Variants in SI observed in about 807,000 individuals in gnomAD.
The protein encoded by SI is sucrase-isomaltase, also known as sucrase-isomaltase, intestinal.
In SI, 235 loss-of-function variants were observed where a neutral mutation model predicts 253.3. The ratio of observed to expected loss-of-function variants is 0.93; its 90% CI spans 0.83 to 1.03. The LOEUF is 1.03. Ranked by LOEUF, SI falls within the 50% of genes least tolerant of loss-of-function variation. The pLI is 0.00. For missense variants in SI, 2,442 were observed against 2,211.1 expected, an observed-to-expected ratio of 1.10 and a Z score of -2.09; for synonymous variants, 819 against 712.0, an observed-to-expected ratio of 1.15 and a Z score of -2.39.
chr3:165,004,360 A>G (rs1404982057), intron 37 of SI, among the ~76,000 whole-genome samples: 1 of 152,162 alleles, frequency 6.6e-6, no homozygotes, highest in East Asian at 1.9e-4. Context: ...AAGAATGTAA[A>G]TTCATACAAC....
intron 33 of SI, 28 bp from the exon 34 acceptor site, chr3:165,013,070 G>C: frequency 7.0e-7 from 1 of 1,433,824 alleles, no homozygotes. Context: ...TGGAAAAGCT[G>C]ATCAAAACAT....
chr3:165,041,527 A>C (rs1257687720), intron 17 of SI, among the ~76,000 whole-genome samples: 1 of 152,010 alleles, frequency 6.6e-6, no homozygotes, highest in Non-Finnish European at 1.5e-5. Flanking sequence ...ATTATATGTG[A>C]CACACTAAAG....
intron 37 of SI, among the ~76,000 whole-genome samples, chr3:165,001,622 A>G (rs1031661375): frequency 6.6e-6 from 1 of 151,412 alleles, no homozygotes; most frequent in Non-Finnish European, 1.5e-5. Context: ...TGATATACCA[A>G]TTGTATCAAT....
chr3:165,070,882 G>A (rs1714529233), intron 3 of SI, among the ~76,000 whole-genome samples: 1 of 152,028 alleles, frequency 6.6e-6, no homozygotes, highest in African/African-American at 2.4e-5. Context: ...GCAGAGCCAT[G>A]CTGCCTCCAA....
At chr3:165,070,215 AT>A (rs1444497253) in intron 3 of SI, among the ~76,000 whole-genome samples, 4 of 144,778 alleles carry the variant, frequency 2.8e-5, no homozygotes, top group Non-Finnish European at 4.5e-5. Flanking sequence ...TATATAAAAT[AT>A]GTTTATATAG....
intron 25 of SI, among the ~76,000 whole-genome samples, chr3:165,027,645 G>A (rs1576894639): frequency 6.6e-6 from 1 of 151,512 alleles, no homozygotes; most frequent in East Asian, 1.9e-4. Flanking sequence ...GGGATACGGG[G>A]ATGGTTTCAC....
intron 26 of SI, 43 bp from the exon 27 acceptor site, chr3:165,021,426 C>T (rs932663884): frequency 1.4e-6 from 2 of 1,458,606 alleles, no homozygotes; most frequent in African/African-American, 1.4e-5. Flanking sequence ...TGATTGCTGA[C>T]ATAGCATGTA....
At chr3:165,015,081 T>C (rs1179236765) in intron 33 of SI, 42 bp downstream of exon 33, 1 of 1,419,412 alleles carries the variant, frequency 7.0e-7, no homozygotes, top group South Asian at 1.2e-5. Context: ...CATTGAAATA[T>C]AATTTTTGTA....
intron 14 of SI, 136 bp downstream of exon 14, chr3:165,049,655 A>G (rs967174549): frequency 1.8e-5 from 11 of 627,494 alleles, no homozygotes. Context: ...TGTCTGAAGA[A>G]AAGATAAACA....
intron 41 of SI, among the ~76,000 whole-genome samples, chr3:164,993,839 A>T (rs1042521150): frequency 2.0e-5 from 3 of 151,676 alleles, no homozygotes; most frequent in African/African-American, 7.2e-5. Context: ...TACATCAAGG[A>T]AAAGGTGGAA....
At chr3:165,065,781 C>T (rs1255064431) in intron 6 of SI, among the ~76,000 whole-genome samples, 1 of 151,296 alleles carries the variant, frequency 6.6e-6, no homozygotes, top group Non-Finnish European at 1.5e-5. Flanking sequence ...GCAGGAGAGC[C>T]AAGTTTCAAA....
chr3:165,011,507 T>C (rs920576368), intron 34 of SI, among the ~76,000 whole-genome samples: 14 of 152,082 alleles, frequency 9.2e-5, no homozygotes, highest in African/African-American at 3.4e-4. Context: ...TTTTTAAGGC[T>C]TGTCTTGTGA....
chr3:165,031,736 A>G (rs1176681539), intron 24 of SI, among the ~76,000 whole-genome samples: 1 of 150,886 alleles, frequency 6.6e-6, no homozygotes, highest in Non-Finnish European at 1.5e-5. Flanking sequence ...TATTATATAA[A>G]TGGAGAAAAG....
At position 165,067,424 on chromosome 3, in the gene SI, G is replaced by A. The variant is rs193172680; in HGVS notation, c.551C>T (p.Thr184Ile). 35 of 1,611,714 alleles carry A rather than the reference G, an allele frequency of 2.2e-5. No individual in the cohort carries two copies. The highest frequency in any genetic ancestry group is 6.7e-5 in the African/African-American group (5 of 74,970). ...CACATCATACAACGTATCAGAAACT[G>A]TGGGTCCAGTAAACTCTTTTACATA... ...HQYVKEFTGP[T>I]VSDTLYDVKV... Residue 184 changes from threonine (T) to isoleucine (I), a missense_variant, in exon 6 of 48, where the codon ACA (threonine) becomes ATA (isoleucine). Coordinates refer to ENST00000264382, the MANE Select transcript of SI (RefSeq NM_001041.4).
At chr3:165,072,289 T>C (rs555704317) in intron 3 of SI, among the ~76,000 whole-genome samples, 24 of 152,152 alleles carry the variant, frequency 1.6e-4, no homozygotes, top group Non-Finnish European at 3.2e-4. Flanking sequence ...AGTGTATATA[T>C]TTAAGATGAT....
chr3:165,030,008 CTT>C (rs1712149641), intron 25 of SI, among the ~76,000 whole-genome samples: 1 of 150,466 alleles, frequency 6.6e-6, no homozygotes, highest in Non-Finnish European at 1.5e-5. Context: ...CTATGCATCT[CTT>C]TATACAAATG....
chr3:165,018,003 G>T lies in SI; in HGVS notation c.3487C>A (p.His1163Asn). Residue 1163 changes from histidine to asparagine, a missense_variant, in exon 29 of 48, where the codon CAT becomes AAT. Transcript: ENST00000264382. Reference sequence around the variant, plus strand: ...TTGCTGTTGAGTAAGAAAACACCATGAGCATTGCCCTCCTCTTCCAGAGCC... The same window carrying T: ...TTGCTGTTGAGTAAGAAAACACCATTAGCATTGCCCTCCTCTTCCAGAGCC... ...YMALEEEGNA[H>N]GVFLLNSNAM... 6.2e-7 allele frequency: 1 copy of T among 1,611,666 alleles called. No homozygotes were observed. Among genetic ancestry groups the T allele is most frequent in the Non-Finnish European group, 8.5e-7 (1 of 1,178,030 alleles).
chr3:165,011,768 T>G (rs1718781240), intron 34 of SI, among the ~76,000 whole-genome samples: 2 of 148,638 alleles, frequency 1.3e-5, no homozygotes, highest in Non-Finnish European at 3.0e-5. Flanking sequence ...TATTATTTAT[T>G]TATTATTTAT....
chr3:165,016,180 T>G, intron 31 of SI, 100 bp from the exon 32 acceptor site: 1 of 1,032,294 alleles, frequency 9.7e-7, no homozygotes, highest in Non-Finnish European at 1.5e-6. Flanking sequence ...TATGAAAGTT[T>G]GAGTTCCTCT....
Sources: allele counts gnomAD v4.1 joint callset (sites outside exome capture counted in the v4.1 genomes callset), GRCh38; gene constraint gnomAD v4.1.1; transcripts MANE v1.5; gene names NCBI Gene and HGNC (gene_info 2026-07-23, HGNC 2026-07-21).